The following COLEC10 variants were observed in gnomAD, a reference collection of about 807,000 sequenced individuals.
COLEC10 encodes the protein collectin-10.
A neutral mutation model predicts 28.4 loss-of-function variants in COLEC10; 22 were observed. That is an observed-to-expected ratio of 0.78 (90% CI 0.55 to 1.11). COLEC10 has a LOEUF of 1.11. Ranked by LOEUF, COLEC10 falls within the 50% of genes least tolerant of loss-of-function variation. The pLI, the probability that COLEC10 is intolerant of heterozygous loss-of-function variation, is 0.00. For missense variants in COLEC10, 361 were observed against 344.1 expected, an observed-to-expected ratio of 1.05 and a Z score of -0.39; for synonymous variants, 125 against 116.1, an observed-to-expected ratio of 1.08 and a Z score of -0.49.
At chr8:119,088,455 C>T (rs541801206) in intron 1 of COLEC10, among the ~76,000 whole-genome samples, 14 of 152,164 alleles carry the variant, frequency 9.2e-5, no homozygotes, top group Non-Finnish European at 1.6e-4. Context: ...AAAATTTCAA[C>T]ATTCTGCACT....
chr8:119,070,831 A>G lies in COLEC10; in HGVS notation c.148+3402A>G, dbSNP rs147876023. Among the ~76,000 whole-genome samples, 168 of 152,272 alleles carry G rather than the reference A, an allele frequency of 1.1e-3. 2 individuals carry two copies. The highest frequency in any genetic ancestry group is 3.8e-3 in the African/African-American group (160 of 41,562). On this transcript the variant is annotated intron_variant, in intron 1 of 5. Transcript: ENST00000332843. The stretch of plus-strand genomic sequence containing the variant: ...AAATGATTTTAACCAATAAATGTGG[A>G]TGATGCTTTACAATTTTCAAGGACC...
upstream of COLEC10, among the ~76,000 whole-genome samples, chr8:118,993,033 A>T (rs569749271): frequency 1.3e-5 from 2 of 152,174 alleles, no homozygotes; most frequent in African/African-American, 4.8e-5. Context: ...TTCCCTTTGC[A>T]GGGAGGTTTA....
intron 1 of COLEC10, among the ~76,000 whole-genome samples, chr8:119,070,446 G>GCT (rs760543405): frequency 0.026 from 2,121 of 80,476 alleles, 80 homozygotes; most frequent in African/African-American, 0.055. Context: ...GTTCTCCCTC[G>GCT]CTCTCTCTCT....
At chr8:119,071,664 T>G (rs148171575) in intron 1 of COLEC10, among the ~76,000 whole-genome samples, 1 of 152,176 alleles carries the variant, frequency 6.6e-6, no homozygotes, top group Non-Finnish European at 1.5e-5. Context: ...TGTGTATTGA[T>G]GCATGTAGAA....
At chr8:119,059,067 T>G (rs1168757616) in intron 2 of COLEC10, among the ~76,000 whole-genome samples, 1 of 152,042 alleles carries the variant, frequency 6.6e-6, no homozygotes, top group Non-Finnish European at 1.5e-5. Context: ...CATTTAAAAA[T>G]TTTGCCCATT....
chr8:119,062,008 CA>C (rs558606796), intron 2 of COLEC10, among the ~76,000 whole-genome samples: 3 of 151,800 alleles, frequency 2.0e-5, no homozygotes, highest in East Asian at 1.9e-4. Context: ...GAAAGCTATG[CA>C]AAAAAACCAA....
chr8:119,066,118 G>A (rs1235315746), upstream of COLEC10, among the ~76,000 whole-genome samples: 1 of 152,112 alleles, frequency 6.6e-6, no homozygotes, highest in East Asian at 1.9e-4. Context: ...ATCTCTTAGG[G>A]ATATTTTTTC....
chr8:119,093,655 A>AT (rs1446326956), intron 3 of COLEC10, among the ~76,000 whole-genome samples: 4 of 152,276 alleles, frequency 2.6e-5, no homozygotes, highest in Non-Finnish European at 5.9e-5. Context: ...GCTTCTTAAC[A>AT]TTTTTTAAAG....
intron 2 of COLEC10, among the ~76,000 whole-genome samples, chr8:119,026,887 C>T (rs1814201517): frequency 6.6e-6 from 1 of 152,088 alleles, no homozygotes; most frequent in South Asian, 2.1e-4. Flanking sequence ...CTGTAGGCTG[C>T]CCCTGGGAAG....
chr8:119,091,396 A>G (rs1815591277), intron 3 of COLEC10, among the ~76,000 whole-genome samples, 176 bp downstream of exon 3: 1 of 151,924 alleles, frequency 6.6e-6, no homozygotes, highest in Admixed American at 6.6e-5. Context: ...AAAAAAAAAA[A>G]AAAAATGAAT....
At chr8:119,008,968 C>A (rs1371783699) in intron 1 of COLEC10, among the ~76,000 whole-genome samples, 2 of 150,888 alleles carry the variant, frequency 1.3e-5, no homozygotes, top group African/African-American at 5.0e-5. Context: ...TTATTATTAG[C>A]AAATTCATTT....
At chr8:118,987,898 A>G in the COLEC10 span, among the ~76,000 whole-genome samples, 2 of 152,186 alleles carry the variant, frequency 1.3e-5, no homozygotes, top group African/African-American at 4.8e-5. Context: ...CTTTGGTTTC[A>G]GCACCAACAG....
chr8:119,034,890 A>T (rs1814359102), intron 2 of COLEC10, among the ~76,000 whole-genome samples: 1 of 152,204 alleles, frequency 6.6e-6, no homozygotes, highest in African/African-American at 2.4e-5. Flanking sequence ...GGGTTGTCAC[A>T]AAGTTTAAAT....
intron 2 of COLEC10, among the ~76,000 whole-genome samples, chr8:119,039,261 A>G (rs1001679998): frequency 6.6e-6 from 1 of 151,894 alleles, no homozygotes; most frequent in African/African-American, 2.4e-5. Context: ...TTCACTACTT[A>G]CCCTGCAGTT....
At chr8:119,000,954 T>C (rs1340509964) in intron 1 of COLEC10, among the ~76,000 whole-genome samples, 1 of 152,148 alleles carries the variant, frequency 6.6e-6, no homozygotes, top group African/African-American at 2.4e-5. Flanking sequence ...AATCAGTTCA[T>C]ATGAAATTCA....
At chr8:118,985,222 T>C in the COLEC10 span, among the ~76,000 whole-genome samples, 4 of 152,050 alleles carry the variant, frequency 2.6e-5, no homozygotes, top group Non-Finnish European at 4.4e-5. Context: ...TTCATGGAAC[T>C]TTGCTATAGC....
At chr8:119,026,296 G>A (rs1303475908) in intron 2 of COLEC10, among the ~76,000 whole-genome samples, 2 of 152,184 alleles carry the variant, frequency 1.3e-5, no homozygotes, top group African/African-American at 2.4e-5. Context: ...GCTCATGCCT[G>A]TAATCCTAGC....
intron 1 of COLEC10, among the ~76,000 whole-genome samples, chr8:119,004,205 C>T (rs1813747869): frequency 6.6e-6 from 1 of 151,944 alleles, no homozygotes; most frequent in Non-Finnish European, 1.5e-5. Flanking sequence ...ATAGTTTCCT[C>T]CAAATTAGTT....
intron 2 of COLEC10, among the ~76,000 whole-genome samples, chr8:119,041,822 G>A (rs1291879633): frequency 6.6e-6 from 1 of 152,080 alleles, no homozygotes; most frequent in East Asian, 1.9e-4. Flanking sequence ...AGGAACACCA[G>A]AATTTAATCA....
Sources: allele counts gnomAD v4.1 joint callset (sites outside exome capture counted in the v4.1 genomes callset), GRCh38; gene constraint gnomAD v4.1.1; transcripts MANE v1.5; gene names NCBI Gene and HGNC (gene_info 2026-07-23, HGNC 2026-07-21).